DNAAF9: variants seen among roughly 807,000 people sequenced by gnomAD.
DNAAF9 encodes dynein axonemal assembly factor 9, also known as shulin.
DNAAF9 carries 90 observed loss-of-function variants against 167.0 expected under a neutral mutation model. The observed-to-expected ratio is 0.54, with a 90% CI of 0.45 to 0.64. The LOEUF is 0.64. Among genes scored for constraint, DNAAF9 ranks in the 30% least tolerant of loss-of-function variants. The probability of loss-of-function intolerance (pLI) is 0.00; values close to 1 mark genes in which losing one functional copy is unlikely to be tolerated. For missense variants in DNAAF9, 1,315 were observed against 1,442.2 expected (o/e 0.91, Z 1.43); for synonymous variants, 491 against 508.8 (o/e 0.96, Z 0.47).
intron 7 of DNAAF9, among the ~76,000 whole-genome samples, chr20:3,353,167 G>A (rs1255121404): frequency 6.6e-6 from 1 of 150,850 alleles, no homozygotes; most frequent in South Asian, 2.1e-4. Context: ...ATATACATCT[G>A]AGCCCTCCCC....
chr20:3,378,242 C>T (rs915725323), intron 3 of DNAAF9, among the ~76,000 whole-genome samples: 4 of 152,192 alleles, frequency 2.6e-5, no homozygotes, highest in Non-Finnish European at 4.4e-5. Flanking sequence ...GTCCCTCAGA[C>T]ATCAGTGTCT....
In DNAAF9 at chr20:3,364,547, C is replaced by A. The variant is rs376205341; in HGVS notation, c.613-4954G>T. On this transcript the variant is annotated intron_variant, in intron 6 of 36. Transcript: ENST00000252032. ...AGTGAATTACAGGCATTCCTCAGAGCTATTGCAGGCTTGGTTCCAAATCAC... is the reference window on the plus strand; with the variant it reads ...AGTGAATTACAGGCATTCCTCAGAGATATTGCAGGCTTGGTTCCAAATCAC... Among the ~76,000 whole-genome samples, 70 of 152,252 alleles carry A rather than the reference C, an allele frequency of 4.6e-4. No individual in the cohort carries two copies. The South Asian group carries it at 0.014, about 30-fold the overall frequency.
chr20:3,255,364 T>A, intron 34 of DNAAF9, 80 bp from the exon 35 acceptor site: 1 of 859,758 alleles, frequency 1.2e-6, no homozygotes, highest in Non-Finnish European at 1.9e-6. Flanking sequence ...TGGGCTCTAT[T>A]ACACAACTAA....
At chr20:3,289,893 T>G (rs1266113711) in intron 26 of DNAAF9, among the ~76,000 whole-genome samples, 1 of 152,220 alleles carries the variant, frequency 6.6e-6, no homozygotes, top group Admixed American at 6.5e-5. Context: ...CAAACTAGAA[T>G]GTAAGCTCCA....
At chr20:3,362,714 G>C (rs917189959) in intron 6 of DNAAF9, among the ~76,000 whole-genome samples, 3 of 152,080 alleles carry the variant, frequency 2.0e-5, no homozygotes, top group Admixed American at 6.6e-5. Context: ...ATGTCTAGGG[G>C]GAAGGAGAAG....
chr20:3,381,523 C>T (rs748407210), intron 2 of DNAAF9, 25 bp from the exon 3 acceptor site: 3 of 1,609,078 alleles, frequency 1.9e-6, no homozygotes, highest in Non-Finnish European at 2.5e-6. Context: ...AGGCTCTGAT[C>T]AGCTGTACCA....
rs1404999165 is a variant in DNAAF9 at position 3,407,511 on chromosome 20, G to A, written c.47C>T (p.Ser16Phe). Residue 16 changes from serine to phenylalanine, a missense_variant, in exon 1 of 37, where the codon TCC (serine) becomes TTC (phenylalanine). Ser to Phe is a radical substitution (Grantham distance 155). Coordinates refer to ENST00000252032, the MANE Select transcript of DNAAF9 (RefSeq NM_001009984.3). ...PRRQGLPRAR[S>F]PGGSSRGSPS... ...TGACCCGCGGCTGGAGCCGCCAGGG[G>A]ACCGAGCGCGGGGCAGCCCCTGCCG... The A allele has an allele frequency of 3.9e-6, 5 of 1,277,104 alleles. No homozygotes were observed. Among genetic ancestry groups the A allele is most frequent in the Non-Finnish European group, 4.9e-6 (5 of 1,015,950 alleles). The allele number at this position is 1,277,104 out of a possible 1,614,324, so 79.1% of individuals were successfully genotyped here.
intron 28 of DNAAF9, 126 bp from the exon 29 acceptor site, chr20:3,279,075 A>G (rs958224736): frequency 1.4e-6 from 1 of 704,084 alleles, no homozygotes; most frequent in Non-Finnish European, 2.5e-6. Flanking sequence ...AGGTGGCAGC[A>G]GCACTGAGCA....
intron 6 of DNAAF9, chr20:3,360,135 G>A (rs75334686): frequency 0.079 from 11,966 of 152,178 alleles, 698 homozygotes; most frequent in Non-Finnish European, 0.12. Context: ...GAAGCATTCC[G>A]CATTTTCAAA....
intron 27 of DNAAF9, 118 bp from the exon 28 acceptor site, chr20:3,281,884 C>A: frequency 2.1e-6 from 2 of 938,836 alleles, no homozygotes; most frequent in Non-Finnish European, 3.2e-6. Flanking sequence ...AGGAAGAGCC[C>A]GCAATCTGGT....
chr20:3,324,974 A>T lies in DNAAF9; in HGVS notation c.1189-6T>A. ...TGCTCTGCTACCTCCTTGGCCTGTA[A>T]AATAATAAGACAGCGACAATTAGCT... is the stretch of plus-strand genomic sequence containing the variant. On this transcript the variant is annotated splice_region_variant and splice_polypyrimidine_tract_variant and intron_variant, in intron 13 of 36. Transcript: ENST00000252032. The T allele has an allele frequency of 6.5e-7, 1 of 1,549,324 alleles. No individual in the cohort carries two copies. Among genetic ancestry groups the T allele is most frequent in the South Asian group, 1.1e-5 (1 of 89,736 alleles).
At chr20:3,278,795 A>C in intron 29 of DNAAF9, 117 bp downstream of exon 29, 1 of 821,642 alleles carries the variant, frequency 1.2e-6, no homozygotes, top group Non-Finnish European at 2.2e-6. Context: ...GTTTTTTCTG[A>C]CCAATTTTGT....
At chr20:3,380,665 T>C (rs989360452) in intron 3 of DNAAF9, among the ~76,000 whole-genome samples, 6 of 152,230 alleles carry the variant, frequency 3.9e-5, no homozygotes, top group Non-Finnish European at 8.8e-5. Flanking sequence ...CATCAGATGT[T>C]TGTTTTCATG....
intron 29 of DNAAF9, among the ~76,000 whole-genome samples, chr20:3,278,093 C>T (rs1286535009): frequency 6.6e-6 from 1 of 152,158 alleles, no homozygotes; most frequent in Non-Finnish European, 1.5e-5. Flanking sequence ...TTCTGGACCT[C>T]CAAACATCAC....
chr20:3,269,098 G>A (rs964403895), intron 30 of DNAAF9, among the ~76,000 whole-genome samples: 2 of 151,272 alleles, frequency 1.3e-5, no homozygotes, highest in Non-Finnish European at 1.5e-5. Flanking sequence ...ATATAGAGGC[G>A]GGGTTCCACC....
Position 3,374,110 on chromosome 20 carries a change from T to C in DNAAF9, c.550A>G (p.Ile184Val), listed in dbSNP as rs369624662. Reference protein sequence around the residue: ...FDMFVVEKWPIVQAFALEGIG... With the variant: ...FDMFVVEKWPVVQAFALEGIG... ...CCCTCAAGTGCAAAGGCCTGTACAA[T>C]TGGCCATTTCTCCACCACAAACATA... The change falls in exon 6 of 37, where the codon ATT becomes GTT. Residue 184 changes from isoleucine (I) to valine (V), a missense_variant. Physicochemically the swap from Ile to Val is conservative, Grantham distance 29. Around this residue, in one of 2 missense-constraint regions of DNAAF9, gnomAD observed 981 missense variants for 1,012.5 expected, o/e 0.97. Coordinates refer to ENST00000252032, the MANE Select transcript of DNAAF9 (RefSeq NM_001009984.3). The C allele has an allele frequency of 1.2e-6, 2 of 1,613,772 alleles. No individual in the cohort carries two copies. Among genetic ancestry groups the C allele is most frequent in the South Asian group, 1.1e-5 (1 of 91,082 alleles).
At chr20:3,254,741 C>T (rs1269182257) in intron 35 of DNAAF9, among the ~76,000 whole-genome samples, 1 of 152,202 alleles carries the variant, frequency 6.6e-6, no homozygotes, top group Non-Finnish European at 1.5e-5. Flanking sequence ...GAAAAGGCCC[C>T]AGTGAGCATG....
At chr20:3,339,641 A>T (rs2070038923) in intron 10 of DNAAF9, among the ~76,000 whole-genome samples, 3 of 152,190 alleles carry the variant, frequency 2.0e-5, no homozygotes, top group African/African-American at 7.2e-5. Flanking sequence ...GAAACATTCT[A>T]TGATTTTACG....
intron 21 of DNAAF9, among the ~76,000 whole-genome samples, chr20:3,300,311 G>A (rs1020277593): frequency 1.4e-4 from 22 of 151,934 alleles, no homozygotes; most frequent in Admixed American, 6.6e-5. Context: ...TCTGAGTCAC[G>A]AACATGGATG....
Sources: allele counts gnomAD v4.1 joint callset (sites outside exome capture counted in the v4.1 genomes callset), GRCh38; gene constraint gnomAD v4.1.1; regional missense constraint gnomAD v4.1.1; transcripts MANE v1.5; gene names NCBI Gene and HGNC (gene_info 2026-07-23, HGNC 2026-07-21).